Variants in IGF1 observed in about 807,000 individuals in gnomAD.
IGF1 encodes the protein insulin-like growth factor 1.
IGF1 carries 4 observed loss-of-function variants against 13.8 expected under a neutral mutation model. The observed-to-expected ratio is 0.29, with a 90% CI of 0.14 to 0.66. The LOEUF (loss-of-function observed/expected upper bound fraction) is 0.66, where lower values mean the gene tolerates loss of function less well. Ranked by LOEUF, IGF1 falls within the 30% of genes least tolerant of loss-of-function variation. IGF1 has a pLI of 0.78. For missense variants in IGF1, 124 were observed against 188.5 expected, an observed-to-expected ratio of 0.66 and a Z score of 2.00; for synonymous variants, 76 against 72.6, an observed-to-expected ratio of 1.05 and a Z score of -0.23.
At chr12:102,469,187 G>T (rs561806435) in intron 2 of IGF1, among the ~76,000 whole-genome samples, 25 of 152,302 alleles carry the variant, frequency 1.6e-4, no homozygotes, top group African/African-American at 6.0e-4. Context: ...TTATTTTGGG[G>T]AAGTTTCTTC....
At chr12:102,414,476 C>T (rs1026166652) in intron 3 of IGF1, among the ~76,000 whole-genome samples, 13 of 152,206 alleles carry the variant, frequency 8.5e-5, no homozygotes, top group African/African-American at 3.1e-4. Context: ...AGCTGGGATG[C>T]AGCGGCAGGA....
chr12:102,455,195 TC>T (rs1391141950), intron 2 of IGF1, among the ~76,000 whole-genome samples: 1 of 152,246 alleles, frequency 6.6e-6, no homozygotes, highest in Non-Finnish European at 1.5e-5. Flanking sequence ...GCCTAGAACT[TC>T]TGACTCAAAC....
intron 1 of IGF1, 111 bp downstream of exon 1, chr12:102,480,208 C>A (rs1002243539): frequency 1.9e-6 from 2 of 1,032,868 alleles, no homozygotes; most frequent in East Asian, 2.5e-5. Context: ...AAATAACTCT[C>A]GGTTCCGAAA....
upstream of IGF1, among the ~76,000 whole-genome samples, chr12:102,481,062 C>T (rs942677502): frequency 1.3e-5 from 2 of 152,142 alleles, no homozygotes; most frequent in Non-Finnish European, 2.9e-5. Context: ...CTCGGGTGAC[C>T]CCTTGTCCCA....
rs1477143103 is a variant in IGF1, at chr12:102,400,874, T to G, written c.*1633A>C. On this transcript the variant is annotated 3_prime_UTR_variant, in exon 4 of 4. Coordinates refer to ENST00000337514, the MANE Select transcript of IGF1 (RefSeq NM_000618.5). ...TCCTTTCTCTCTTTTCACTTATCTT[T>G]GTATTCATAAAACCAAATGCAGAAT... 3.3e-5 allele frequency: 5 copies of G among 152,320 alleles called. No homozygotes were observed. In the East Asian group the frequency reaches 5.8e-4, roughly 18 times the overall value. 9.4% of individuals were successfully genotyped at this position (152,320 alleles called of 1,614,324 possible). A position where few individuals can be genotyped will look rare whatever the true frequency, so the allele number is the denominator to read the frequency against.
At chr12:102,416,281 A>G (rs754400381) in intron 3 of IGF1, among the ~76,000 whole-genome samples, 2 of 152,192 alleles carry the variant, frequency 1.3e-5, no homozygotes, top group Non-Finnish European at 1.5e-5. Context: ...CTTCTAATTC[A>G]CAACTTGGAG....
intron 2 of IGF1, among the ~76,000 whole-genome samples, chr12:102,427,581 T>G (rs960779747): frequency 6.6e-6 from 1 of 152,202 alleles, no homozygotes; most frequent in Non-Finnish European, 1.5e-5. Context: ...AGGGCACATC[T>G]GGACCTTGTC....
chr12:102,407,796 T>G (rs1874301604), intron 3 of IGF1, among the ~76,000 whole-genome samples: 1 of 152,158 alleles, frequency 6.6e-6, no homozygotes. Context: ...CTGGGACCCA[T>G]TTGTAATGGT....
intron 2 of IGF1, among the ~76,000 whole-genome samples, chr12:102,424,182 A>C (rs1248718495): frequency 6.6e-6 from 1 of 152,142 alleles, no homozygotes; most frequent in Non-Finnish European, 1.5e-5. Flanking sequence ...TTGAGTTCTA[A>C]GGAATAAAAC....
chr12:102,443,951 C>G lies in IGF1; in HGVS notation c.221-24261G>C, dbSNP rs5742645. 3.7e-3 allele frequency among the ~76,000 whole-genome samples: 556 copies of G among 152,114 alleles called. 2 individuals carry two copies. Among genetic ancestry groups the G allele is most frequent in the African/African-American group, 0.013 (547 of 41,526 alleles). On this transcript the variant is annotated intron_variant, in intron 2 of 3. Transcript: ENST00000337514. ...CAAGTGATTCTCCTGCCTCAACCTCCTAAATAGCTGAGATTACAGGTGCCT... is the reference window on the plus strand; with the variant it reads ...CAAGTGATTCTCCTGCCTCAACCTCGTAAATAGCTGAGATTACAGGTGCCT...
Position 102,457,482 on chromosome 12 carries a change from A to G in IGF1, c.220+18161T>C, listed in dbSNP as rs1879514328. Among the ~76,000 whole-genome samples the G allele has an allele frequency of 3.9e-5, 6 of 152,306 alleles. No individual in the cohort carries two copies. In the South Asian group the frequency reaches 1.2e-3, roughly 32 times the overall value. On this transcript the variant is annotated intron_variant, in intron 2 of 3. Transcript: ENST00000337514. ...TTTTCCTAAGCTTTTCATCAACTCA[A>G]AGTCAAAGCGGCTTGTTTGCCCAGT...
intron 2 of IGF1, among the ~76,000 whole-genome samples, chr12:102,447,084 G>A (rs1321354955): frequency 6.6e-6 from 1 of 152,164 alleles, no homozygotes; most frequent in Non-Finnish European, 1.5e-5. Context: ...ACTGTGGTTG[G>A]AGAGACTGTT....
rs1051714184 is a variant in IGF1 at position 102,477,515 on chromosome 12, C to T, written c.64-1716G>A. On this transcript the variant is annotated intron_variant, in intron 1 of 3. Coordinates refer to ENST00000337514, the MANE Select transcript of IGF1 (RefSeq NM_000618.5). ...CCCAAAACACTGGGACTGGAAGAAG[C>T]ATGTTATCATCCAGTTCTCATTTTT... 2.7e-5 allele frequency among the ~76,000 whole-genome samples: 4 copies of T among 147,882 alleles called. No homozygotes were observed. The Admixed American group carries it at 2.8e-4, about 10-fold the overall frequency.
chr12:102,423,873 A>G (rs1875964838), intron 2 of IGF1, among the ~76,000 whole-genome samples: 1 of 152,204 alleles, frequency 6.6e-6, no homozygotes. Flanking sequence ...CATCACTTCT[A>G]GAACAAAGGA....
intron 2 of IGF1, among the ~76,000 whole-genome samples, chr12:102,444,151 G>A (rs35524121): frequency 6.6e-6 from 1 of 151,994 alleles, no homozygotes; most frequent in Admixed American, 6.6e-5. Flanking sequence ...TCTGTGGCAG[G>A]CATTGGTGCT....
intron 2 of IGF1, among the ~76,000 whole-genome samples, chr12:102,460,896 G>A (rs1173257058): frequency 6.6e-6 from 1 of 152,122 alleles, no homozygotes; most frequent in Non-Finnish European, 1.5e-5. Context: ...TCAAGTAAAA[G>A]ATGTGTGAAA....
chr12:102,447,048 T>A (rs955347279), intron 2 of IGF1, among the ~76,000 whole-genome samples: 8 of 152,240 alleles, frequency 5.3e-5, no homozygotes, highest in Non-Finnish European at 1.5e-5. Context: ...AGTGAGTTTC[T>A]TGATCCTGAG....
At position 102,415,572 on chromosome 12, in the gene IGF1, T is replaced by TTCCG. The variant is rs1234743125; in HGVS notation, c.402+3936_402+3937insCGGA. 2.6e-3 allele frequency: 355 copies of TTCCG among 139,134 alleles called. 1 individual carries two copies. The highest frequency in any genetic ancestry group is 4.9e-3 in the East Asian group (23 of 4,704). 8.6% of individuals were successfully genotyped at this position (139,134 alleles called of 1,614,324 possible). On this transcript the variant is annotated intron_variant, in intron 3 of 3. Transcript: ENST00000337514. ...CTTCCTTCCTTCCTTCCTTCCTTCC[T>TTCCG]TCCTTCCTTCCTTCCTTCCTTCCTT...
chr12:102,448,465 G>A (rs1238770994), intron 2 of IGF1, among the ~76,000 whole-genome samples: 1 of 143,452 alleles, frequency 7.0e-6, no homozygotes, highest in Non-Finnish European at 1.5e-5. Context: ...CGCATATTCT[G>A]ACTCATAGGT....
Sources: gnomAD v4.1 joint callset for allele counts (sites outside exome capture counted in the v4.1 genomes callset) on GRCh38, gnomAD v4.1.1 for gene constraint, MANE v1.5 for transcripts, NCBI Gene and HGNC (gene_info 2026-07-23, HGNC 2026-07-21) for gene names.